ADGRL3: variants seen among roughly 807,000 people sequenced by gnomAD.
ADGRL3 encodes calcium-independent alpha-latrotoxin receptor 3.
Under a neutral mutation model 153.5 loss-of-function variants are expected in ADGRL3, and 62 were observed. That is an observed-to-expected ratio of 0.40 (90% CI 0.33 to 0.50). ADGRL3 has a LOEUF of 0.50. ADGRL3 is among the 20% of genes least tolerant of loss of function. ADGRL3 has a pLI of 0.47. For synonymous variants in ADGRL3, 710 were observed against 672.5 expected, an observed-to-expected ratio of 1.06 and a Z score of -0.86; for missense variants, 1,641 against 1,859.4, an observed-to-expected ratio of 0.88 and a Z score of 2.16.
chr4:62,018,641 G>T (rs2099224200), intron 21 of ADGRL3, among the ~76,000 whole-genome samples: 1 of 152,134 alleles, frequency 6.6e-6, no homozygotes, highest in Non-Finnish European at 1.5e-5. Flanking sequence ...TGCGAAGGTG[G>T]CAGACAAGTA....
chr4:61,258,002 C>A (rs1246190613), intron 1 of ADGRL3, among the ~76,000 whole-genome samples: 2 of 152,140 alleles, frequency 1.3e-5, no homozygotes, highest in Admixed American at 6.5e-5. Flanking sequence ...GGTTAGGAAT[C>A]CCCAAGGTCT....
chr4:61,727,404 G>T (rs1419648210), intron 6 of ADGRL3, among the ~76,000 whole-genome samples: 2 of 152,080 alleles, frequency 1.3e-5, no homozygotes, highest in African/African-American at 4.8e-5. Context: ...TAAAAATGTA[G>T]AGAGAAAAGG....
chr4:61,752,339 A>G (rs1580631959), intron 8 of ADGRL3, among the ~76,000 whole-genome samples: 1 of 152,200 alleles, frequency 6.6e-6, no homozygotes, highest in Non-Finnish European at 1.5e-5. Context: ...ATTGCCTATT[A>G]CTAGCCTGGA....
Position 61,603,141 on chromosome 4 carries a change from C to T in ADGRL3, c.473+15701C>T, listed in dbSNP as rs940474510. 4.6e-5 allele frequency among the ~76,000 whole-genome samples: 7 copies of T among 152,098 alleles called. No homozygotes were observed. The South Asian group carries it at 6.2e-4, about 13-fold the overall frequency. ...TTCATTCTGTCAATATTGTTGGAAA[C>T]ATTTCAATAGACCACATAAGTAACA... On this transcript the variant is annotated intron_variant, in intron 5 of 26. Transcript: ENST00000683033.
chr4:61,316,849 A>G (rs1482460574), intron 1 of ADGRL3, among the ~76,000 whole-genome samples: 1 of 152,244 alleles, frequency 6.6e-6, no homozygotes, highest in Non-Finnish European at 1.5e-5. Flanking sequence ...AGTGGCTGAT[A>G]CATAATTACA....
At chr4:61,561,175 T>G (rs1426147685) in intron 4 of ADGRL3, among the ~76,000 whole-genome samples, 2 of 152,176 alleles carry the variant, frequency 1.3e-5, no homozygotes, top group African/African-American at 4.8e-5. Flanking sequence ...CAATGCTTCA[T>G]GTTTAATACC....
Position 61,873,320 on chromosome 4 carries a change from C to T in ADGRL3, c.1481-19336C>T, listed in dbSNP as rs148452636. The stretch of plus-strand genomic sequence containing the variant: ...ATCTCTGAAATCAAAAAGCATGAAG[C>T]CTCCACAATTTCTGTTTCTCTCTCC... On this transcript the variant is annotated intron_variant, in intron 9 of 26. Coordinates refer to ENST00000683033, the MANE Select transcript of ADGRL3 (RefSeq NM_001387552.1). Among the ~76,000 whole-genome samples the T allele has an allele frequency of 3.6e-3, 552 of 152,196 alleles. 5 individuals are homozygous for T. Among genetic ancestry groups the T allele is most frequent in the African/African-American group, 0.013 (527 of 41,554 alleles).
At chr4:61,730,594 T>A in intron 6 of ADGRL3, 28 bp from the exon 7 acceptor site, 1 of 504,412 alleles carries the variant, frequency 2.0e-6, no homozygotes. Flanking sequence ...TTTTCTCCTT[T>A]CTCTCTTTAC....
intron 2 of ADGRL3, among the ~76,000 whole-genome samples, chr4:61,393,187 T>C (rs1282013761): frequency 6.6e-6 from 1 of 152,074 alleles, no homozygotes; most frequent in Non-Finnish European, 1.5e-5. Flanking sequence ...TCTAAAAAAA[T>C]ATGATGTTGC....
chr4:61,440,469 T>C (rs1292162535), intron 2 of ADGRL3, among the ~76,000 whole-genome samples: 2 of 152,234 alleles, frequency 1.3e-5, no homozygotes, highest in Admixed American at 1.3e-4. Context: ...GCTCAAATCA[T>C]GTAACAGGTG....
At position 61,979,771 on chromosome 4, in the gene ADGRL3, C is replaced by T. The variant is rs760291584; in HGVS notation, c.3014C>T (p.Pro1005Leu). 4.3e-6 allele frequency: 7 copies of T among 1,613,060 alleles called. No individual in the cohort carries two copies. The highest frequency in any genetic ancestry group is 1.7e-5 in the Admixed American group (1 of 59,976). ...ATTGGGATCAACCGAACTGACCAACCAGTAAGCAACCTACATTGATACCAG... is the reference window on the plus strand; with the variant it reads ...ATTGGGATCAACCGAACTGACCAACTAGTAAGCAACCTACATTGATACCAG... ...FLIGINRTDQ[P>L]IACAVFAALL... Residue 1005 changes from proline (P) to leucine (L), a missense_variant and splice_region_variant, in exon 18 of 27, where the codon CCA becomes CTA. Transcript: ENST00000683033.
At chr4:61,259,616 T>G (rs2149559316) in intron 1 of ADGRL3, among the ~76,000 whole-genome samples, 1 of 152,258 alleles carries the variant, frequency 6.6e-6, no homozygotes, top group South Asian at 2.1e-4. Context: ...GAAGCCTTCC[T>G]GAACAGCACG....
chr4:61,923,806 G>T (rs2098781761), intron 13 of ADGRL3, among the ~76,000 whole-genome samples: 1 of 152,084 alleles, frequency 6.6e-6, no homozygotes, highest in East Asian at 1.9e-4. Flanking sequence ...GTATTTTAAT[G>T]TCTCTTCACT....
At chr4:61,818,755 G>A (rs1291391858) in intron 9 of ADGRL3, among the ~76,000 whole-genome samples, 2 of 151,984 alleles carry the variant, frequency 1.3e-5, no homozygotes, top group Non-Finnish European at 2.9e-5. Flanking sequence ...TTCGATTTAG[G>A]AGGAATTATA....
chr4:61,300,640 T>C (rs2094549754), intron 1 of ADGRL3, among the ~76,000 whole-genome samples: 1 of 152,178 alleles, frequency 6.6e-6, no homozygotes, highest in South Asian at 2.1e-4. Flanking sequence ...ATGTAGAGTG[T>C]GTGGATGAAT....
intron 1 of ADGRL3, among the ~76,000 whole-genome samples, chr4:61,238,560 A>T (rs924195788): frequency 6.6e-6 from 1 of 151,852 alleles, no homozygotes; most frequent in Non-Finnish European, 1.5e-5. Flanking sequence ...TGTATATCCA[A>T]AGTTATTTTG....
intron 2 of ADGRL3, among the ~76,000 whole-genome samples, chr4:61,467,356 C>G (rs2097897586): frequency 6.6e-6 from 1 of 151,992 alleles, no homozygotes; most frequent in Non-Finnish European, 1.5e-5. Flanking sequence ...TTTTATGGTA[C>G]TATAAATCAT....
intron 8 of ADGRL3, among the ~76,000 whole-genome samples, chr4:61,747,096 T>C (rs1186537501): frequency 1.3e-5 from 2 of 152,118 alleles, no homozygotes; most frequent in Non-Finnish European, 2.9e-5. Context: ...GCAAATAAAC[T>C]AGAAAATGTA....
intron 2 of ADGRL3, among the ~76,000 whole-genome samples, chr4:61,387,295 C>T (rs1159454357): frequency 6.6e-6 from 1 of 152,096 alleles, no homozygotes; most frequent in Non-Finnish European, 1.5e-5. Context: ...ATCACAGGAC[C>T]ACAGGACCGA....
Sources: allele counts gnomAD v4.1 joint callset (sites outside exome capture counted in the v4.1 genomes callset), GRCh38; gene constraint gnomAD v4.1.1; transcripts MANE v1.5; gene names NCBI Gene and HGNC (gene_info 2026-07-23, HGNC 2026-07-21).